PTCHD4: variants seen among roughly 807,000 people sequenced by gnomAD.
PTCHD4 encodes patched domain-containing protein 4.
Under a neutral mutation model 58.1 loss-of-function variants are expected in PTCHD4, and 33 were observed. The ratio of observed to expected loss-of-function variants is 0.57; its 90% CI spans 0.43 to 0.76. The LOEUF (loss-of-function observed/expected upper bound fraction) is 0.76. Among genes scored for constraint, PTCHD4 ranks in the 30% least tolerant of loss-of-function variants. The pLI, the probability that PTCHD4 is intolerant of heterozygous loss-of-function variation, is 0.00. For synonymous variants in PTCHD4, 478 were observed against 409.6 expected (o/e 1.17, Z -2.02); for missense variants, 1,058 against 1,027.1 (o/e 1.03, Z -0.41).
intron 4 of PTCHD4, among the ~76,000 whole-genome samples, chr6:47,890,494 G>A (rs1010695263): frequency 6.6e-6 from 1 of 152,154 alleles, no homozygotes; most frequent in Non-Finnish European, 1.5e-5. Context: ...GTAAAAAAGG[G>A]TGACAGTGAG....
At chr6:47,944,959 T>A (rs928369931) in intron 4 of PTCHD4, among the ~76,000 whole-genome samples, 5 of 152,078 alleles carry the variant, frequency 3.3e-5, no homozygotes, top group African/African-American at 1.2e-4. Context: ...TTTGAAAATG[T>A]GGATAAATGT....
rs190093904 is a variant in PTCHD4, at chr6:47,911,827, T to C, written c.899-31891A>G. Reference sequence around the variant, plus strand: ...ATTCTGGGAATCATTCATGTATAGATAGCCAGGAGACTGGATGAGATCTAG... The same window carrying C: ...ATTCTGGGAATCATTCATGTATAGACAGCCAGGAGACTGGATGAGATCTAG... On this transcript the variant is annotated intron_variant, in intron 4 of 4. Coordinates refer to ENST00000339488, the MANE Select transcript of PTCHD4 (RefSeq NM_001384253.1). Among the ~76,000 whole-genome samples the C allele has an allele frequency of 7.9e-5, 12 of 152,152 alleles. No individual in the cohort carries two copies. In the East Asian group the frequency reaches 2.1e-3, roughly 27 times the overall value.
At chr6:48,032,160 A>G (rs1344824352) in intron 3 of PTCHD4, among the ~76,000 whole-genome samples, 1 of 152,058 alleles carries the variant, frequency 6.6e-6, no homozygotes, top group Non-Finnish European at 1.5e-5. Flanking sequence ...AGTTAAAAGA[A>G]AGTGTGTATG....
intron 4 of PTCHD4, among the ~76,000 whole-genome samples, chr6:47,914,563 C>G (rs1161575213): frequency 6.6e-6 from 1 of 151,838 alleles, no homozygotes; most frequent in Non-Finnish European, 1.5e-5. Context: ...ATTATGGGAG[C>G]TCTCAGTCTC....
intron 3 of PTCHD4, 60 bp from the exon 4 acceptor site, chr6:48,009,174 T>C: frequency 5.4e-6 from 8 of 1,494,110 alleles, no homozygotes; most frequent in Non-Finnish European, 7.2e-6. Context: ...GAATAGATTC[T>C]TACTCTAAGT....
intron 4 of PTCHD4, among the ~76,000 whole-genome samples, chr6:47,956,224 T>C (rs1170346581): frequency 6.6e-6 from 1 of 152,208 alleles, no homozygotes; most frequent in African/African-American, 2.4e-5. Flanking sequence ...GATACAAATA[T>C]GTGTAACAAT....
At chr6:48,050,562 T>C (rs184637470) in intron 3 of PTCHD4, among the ~76,000 whole-genome samples, 1 of 152,014 alleles carries the variant, frequency 6.6e-6, no homozygotes, top group Non-Finnish European at 1.5e-5. Context: ...GTTTTCTCAC[T>C]GTAAAAATGA....
intron 3 of PTCHD4, among the ~76,000 whole-genome samples, chr6:48,028,507 G>GA (rs1562015078): frequency 6.6e-6 from 1 of 151,938 alleles, no homozygotes; most frequent in African/African-American, 2.4e-5. Flanking sequence ...TTTAAAGAAA[G>GA]AAAAAAATTT....
intron 4 of PTCHD4, among the ~76,000 whole-genome samples, chr6:47,945,866 A>G (rs937352454): frequency 6.6e-6 from 1 of 151,760 alleles, no homozygotes; most frequent in South Asian, 2.1e-4. Context: ...TAGTGACCTT[A>G]TATTTTAGTT....
intron 1 of PTCHD4, among the ~76,000 whole-genome samples, chr6:48,108,612 A>C (rs577109234): frequency 3.3e-5 from 5 of 151,828 alleles, no homozygotes; most frequent in Non-Finnish European, 5.9e-5. Flanking sequence ...TAATAATAAA[A>C]AAATAAATAA....
Position 47,992,351 on chromosome 6 carries a change from A to T in PTCHD4, c.898+16283T>A, listed in dbSNP as rs970390997. Among the ~76,000 whole-genome samples, 3 of 152,190 alleles carry T rather than the reference A, an allele frequency of 2.0e-5. No individual in the cohort carries two copies. The South Asian group carries it at 6.2e-4, about 31-fold the overall frequency. On this transcript the variant is annotated intron_variant, in intron 4 of 4. Coordinates refer to ENST00000339488, the MANE Select transcript of PTCHD4 (RefSeq NM_001384253.1). ...CGCACGTAATAACATATGTGGTGAA[A>T]CTATGAAGAAAAGCTAAAAACTGAT...
chr6:47,952,239 T>C (rs1361768130), intron 4 of PTCHD4, among the ~76,000 whole-genome samples: 2 of 152,122 alleles, frequency 1.3e-5, no homozygotes. Flanking sequence ...ACAATAGAGT[T>C]CCCCAAAGGA....
chr6:48,048,208 T>C (rs1207184175), intron 3 of PTCHD4, among the ~76,000 whole-genome samples: 1 of 151,820 alleles, frequency 6.6e-6, no homozygotes, highest in Non-Finnish European at 1.5e-5. Context: ...CTAGGAAAAT[T>C]TGGCCTAAAA....
Position 48,068,654 on chromosome 6 carries a change from A to G in PTCHD4, c.6-13T>C, listed in dbSNP as rs1268497814. 2 of 1,535,306 alleles carry G rather than the reference A, an allele frequency of 1.3e-6. No individual in the cohort carries two copies. Among genetic ancestry groups the G allele is most frequent in the Non-Finnish European group, 1.7e-6 (2 of 1,145,628 alleles). On this transcript the variant is annotated splice_polypyrimidine_tract_variant and intron_variant, in intron 2 of 4. Transcript: ENST00000339488. This position sits in a 1 kb window ranked among gnomAD's most constrained non-coding sequence, Gnocchi z 4.2. ...CGCTCCCGGCCGTCTTAAAAAGCAC[A>G]TGTGACATGTGTAAGCGCCGGGCTA...
At chr6:47,995,303 C>T (rs1380418701) in intron 4 of PTCHD4, among the ~76,000 whole-genome samples, 1 of 152,108 alleles carries the variant, frequency 6.6e-6, no homozygotes, top group Admixed American at 6.6e-5. Flanking sequence ...ACAGAAGTTT[C>T]CAGGGAGCAA....
chr6:47,879,924 T>C lies in PTCHD4; in HGVS notation c.911A>G (p.Lys304Arg). ...TCCGGACAGAAGCTCAAACACTCCT[T>C]TAGTTCCATGACCTAATGTTTTAAA... ...IPFFAMGHGT[K>R]GVFELLSGWR... Residue 304 changes from lysine to arginine, a missense_variant, in exon 5 of 5, where the codon AAA (lysine) becomes AGA (arginine). Lys to Arg is a conservative substitution (Grantham distance 26). Transcript: ENST00000339488. 1.9e-6 allele frequency: 3 copies of C among 1,545,508 alleles called. No individual in the cohort carries two copies. Among genetic ancestry groups the C allele is most frequent in the Non-Finnish European group, 2.6e-6 (3 of 1,146,324 alleles).
rs1763639604 is a variant in PTCHD4 at position 47,868,725 on chromosome 6, C to A, written c.*9578G>T. ...ATGTCCAGCTTAATTTTTCTGAGTT[C>A]TTATTTCATTCCTTTCTAGCCATGC... On this transcript the variant is annotated 3_prime_UTR_variant, in exon 5 of 5. Transcript: ENST00000339488. Among the ~76,000 whole-genome samples the A allele has an allele frequency of 6.6e-6, 1 of 151,636 alleles. No homozygotes were observed. Among genetic ancestry groups the A allele is most frequent in the Non-Finnish European group, 1.5e-5 (1 of 67,756 alleles).
In PTCHD4 at chr6:47,921,869, G is replaced by T. The variant is rs529234868; in HGVS notation, c.899-41933C>A. Among the ~76,000 whole-genome samples, 8 of 151,718 alleles carry T rather than the reference G, an allele frequency of 5.3e-5. No individual in the cohort carries two copies. The East Asian group carries it at 1.6e-3, about 29-fold the overall frequency. ...CTCATGCCTATAATTCCAGCACTTT[G>T]GGAGGCTGAGGTAGGAGGAACACTT... On this transcript the variant is annotated intron_variant, in intron 4 of 4. Transcript: ENST00000339488.
chr6:47,980,509 G>A (rs1767844367), intron 4 of PTCHD4, among the ~76,000 whole-genome samples: 1 of 151,850 alleles, frequency 6.6e-6, no homozygotes, highest in African/African-American at 2.4e-5. Flanking sequence ...AATGGATTTT[G>A]ATTATATAAG....
Sources: gnomAD v4.1 joint callset for allele counts (sites outside exome capture counted in the v4.1 genomes callset) on GRCh38, gnomAD v4.1.1 for gene constraint, Gnocchi (gnomAD v3.1) non-coding constraint, MANE v1.5 for transcripts, NCBI Gene and HGNC (gene_info 2026-07-23, HGNC 2026-07-21) for gene names.